The following CDK14 variants were observed in gnomAD, a reference collection of about 807,000 sequenced individuals.
CDK14 encodes the protein cyclin dependent kinase 14.
Under a neutral mutation model 60.7 loss-of-function variants are expected in CDK14, and 34 were observed. The observed-to-expected ratio is 0.56, with a 90% CI of 0.43 to 0.75. CDK14 has a LOEUF of 0.75. Among genes scored for constraint, CDK14 ranks in the 30% least tolerant of loss-of-function variants. The pLI is 0.00. For missense variants in CDK14, 482 were observed against 564.1 expected (o/e 0.85, Z 1.47); for synonymous variants, 197 against 203.7 (o/e 0.97, Z 0.28).
chr7:90,837,598 G>A (rs887658361), intron 5 of CDK14, among the ~76,000 whole-genome samples: 9 of 152,172 alleles, frequency 5.9e-5, no homozygotes, highest in African/African-American at 2.2e-4. Context: ...ATAATCAAAG[G>A]CTGGATGTAT....
intron 14 of CDK14, among the ~76,000 whole-genome samples, chr7:91,121,512 T>G (rs990858013): frequency 3.3e-5 from 5 of 152,196 alleles, no homozygotes; most frequent in African/African-American, 1.2e-4. Flanking sequence ...TTTCTTTCCT[T>G]GCATACCAAG....
At chr7:90,786,168 A>T (rs887961792) in intron 4 of CDK14, among the ~76,000 whole-genome samples, 2 of 152,214 alleles carry the variant, frequency 1.3e-5, no homozygotes, top group African/African-American at 4.8e-5. Flanking sequence ...AGAATCTCTG[A>T]AATAAAATGG....
chr7:91,201,877 C>A (rs954487880), intron 14 of CDK14, among the ~76,000 whole-genome samples: 1 of 152,192 alleles, frequency 6.6e-6, no homozygotes, highest in Admixed American at 6.5e-5. Context: ...GCATGAAGTG[C>A]AGCTGCAGAG....
chr7:90,770,724 A>G (rs892170326), intron 4 of CDK14, among the ~76,000 whole-genome samples: 9 of 152,174 alleles, frequency 5.9e-5, no homozygotes, highest in African/African-American at 1.9e-4. Context: ...AACTTTGTTC[A>G]TGATAGACCC....
At chr7:91,038,516 A>G (rs1796995214) in intron 10 of CDK14, among the ~76,000 whole-genome samples, 1 of 152,246 alleles carries the variant, frequency 6.6e-6, no homozygotes, top group African/African-American at 2.4e-5. Flanking sequence ...ATAATGGTAT[A>G]TTATGGTGAT....
At chr7:90,618,829 C>A (rs950528025) in intron 2 of CDK14, among the ~76,000 whole-genome samples, 1 of 152,116 alleles carries the variant, frequency 6.6e-6, no homozygotes, top group Non-Finnish European at 1.5e-5. Context: ...AGGACACATA[C>A]AGAAAGAGTG....
intron 2 of CDK14, among the ~76,000 whole-genome samples, chr7:90,637,194 TCTTG>T (rs1800174428): frequency 1.3e-5 from 2 of 151,410 alleles, no homozygotes; most frequent in Non-Finnish European, 3.0e-5. Context: ...ATGTGTTTGC[TCTTG>T]CTTTTCTAGT....
chr7:90,826,719 T>C (rs1214359581), intron 5 of CDK14, among the ~76,000 whole-genome samples: 1 of 152,174 alleles, frequency 6.6e-6, no homozygotes, highest in Non-Finnish European at 1.5e-5. Flanking sequence ...ATTGACTTTA[T>C]TTTTTAGAAC....
At chr7:90,974,832 C>T (rs1281171743) in intron 9 of CDK14, among the ~76,000 whole-genome samples, 1 of 152,124 alleles carries the variant, frequency 6.6e-6, no homozygotes, top group Non-Finnish European at 1.5e-5. Flanking sequence ...AGTTATCCTA[C>T]ACCATAAAAT....
chr7:90,697,227 T>G (rs1034944133), intron 2 of CDK14, among the ~76,000 whole-genome samples: 1 of 152,204 alleles, frequency 6.6e-6, no homozygotes, highest in African/African-American at 2.4e-5. Flanking sequence ...GATAGTTTTA[T>G]TCCCCTTTTC....
chr7:90,939,656 A>T (rs962884), intron 8 of CDK14, among the ~76,000 whole-genome samples: 97,343 of 152,062 alleles, frequency 0.64, 31,714 homozygotes, highest in East Asian at 0.88. Flanking sequence ...CAGTTTTGAA[A>T]CTTTCATCAT....
intron 2 of CDK14, among the ~76,000 whole-genome samples, chr7:90,649,297 T>TTTCTTTCTTTCTTTCC (rs1800546440): frequency 1.4e-5 from 1 of 69,332 alleles, no homozygotes; most frequent in Non-Finnish European, 2.5e-5. Context: ...TCTTTCTTTC[T>TTTCTTTCTTTCTTTCC]TTCTTTCTTT....
At chr7:90,814,361 C>T (rs568583752) in intron 5 of CDK14, among the ~76,000 whole-genome samples, 12 of 152,210 alleles carry the variant, frequency 7.9e-5, no homozygotes, top group Admixed American at 4.6e-4. Flanking sequence ...AAACATGAGC[C>T]ACATTTTACA....
intron 14 of CDK14, among the ~76,000 whole-genome samples, chr7:91,199,355 C>G (rs924755851): frequency 6.6e-6 from 1 of 151,822 alleles, no homozygotes; most frequent in African/African-American, 2.4e-5. Flanking sequence ...ATTAAACATG[C>G]CTTGGTGTAT....
chr7:90,971,019 T>C (rs1160438905), intron 9 of CDK14, among the ~76,000 whole-genome samples: 1 of 152,100 alleles, frequency 6.6e-6, no homozygotes, highest in Admixed American at 6.6e-5. Flanking sequence ...CATGTTGCGC[T>C]CATCAACTCG....
At chr7:90,713,848 T>G (rs1267212822) in intron 2 of CDK14, among the ~76,000 whole-genome samples, 7 of 152,108 alleles carry the variant, frequency 4.6e-5, no homozygotes, top group African/African-American at 1.7e-4. Flanking sequence ...GACATGTTAC[T>G]TAATTCATGT....
At chr7:90,917,892 T>G (rs117233226) in intron 8 of CDK14, among the ~76,000 whole-genome samples, 168 bp downstream of exon 8, 1 of 152,096 alleles carries the variant, frequency 6.6e-6, no homozygotes, top group East Asian at 1.9e-4. Context: ...GCATAAAATA[T>G]AATGCTTTGT....
chr7:91,042,968 A>G (rs1797130643), intron 10 of CDK14, among the ~76,000 whole-genome samples: 1 of 152,214 alleles, frequency 6.6e-6, no homozygotes, highest in South Asian at 2.1e-4. Flanking sequence ...AAGCAAAATT[A>G]ATTTTTAATT....
At chr7:90,933,297 A>T (rs1014258520) in intron 8 of CDK14, among the ~76,000 whole-genome samples, 5 of 151,410 alleles carry the variant, frequency 3.3e-5, no homozygotes, top group African/African-American at 1.2e-4. Context: ...AAAAAAAAAA[A>T]TTGTTAGCAT....
Sources: gnomAD v4.1 joint callset for allele counts (sites outside exome capture counted in the v4.1 genomes callset) on GRCh38, gnomAD v4.1.1 for gene constraint, MANE v1.5 for transcripts, NCBI Gene and HGNC (gene_info 2026-07-23, HGNC 2026-07-21) for gene names.